DGKZ: variants seen among roughly 807,000 people sequenced by gnomAD.
DGKZ encodes the protein DAG kinase zeta.
A neutral mutation model predicts 142.5 loss-of-function variants in DGKZ; 45 were observed. The observed-to-expected ratio is 0.32, with a 90% CI of 0.25 to 0.40. The LOEUF is 0.40. Ranked by LOEUF, DGKZ falls within the 10% of genes least tolerant of loss-of-function variation. The pLI is 1.00. For missense variants in DGKZ, 755 were observed against 1,306.5 expected, an observed-to-expected ratio of 0.58 and a Z score of 6.51; for synonymous variants, 442 against 527.0, an observed-to-expected ratio of 0.84 and a Z score of 2.21.
chr11:46,378,775 G>A (rs1944859813), intron 27 of DGKZ: 2 of 907,154 alleles, frequency 2.2e-6, no homozygotes, highest in African/African-American at 1.6e-5. Context: ...CCAGGGCTTG[G>A]TCACCAGTGC....
chr11:46,372,199 G>C lies in DGKZ; in HGVS notation c.927+29G>C. 6.4e-7 allele frequency: 1 copy of C among 1,558,810 alleles called. No individual in the cohort carries two copies. Among genetic ancestry groups the C allele is most frequent in the South Asian group, 1.2e-5 (1 of 85,338 alleles). On this transcript the variant is annotated intron_variant, in intron 10 of 30. Coordinates refer to ENST00000527911, the Ensembl canonical transcript of DGKZ. The surrounding 1 kb of genome is among the most constrained non-coding windows in gnomAD (Gnocchi z 5.9). ...AACGCGGCCTTGCCTCTCAGCTAAGGGCTCGGGCGGGGGTTGGGGTCCAGC... is the reference window on the plus strand; with the variant it reads ...AACGCGGCCTTGCCTCTCAGCTAAGCGCTCGGGCGGGGGTTGGGGTCCAGC...
Position 46,371,404 on chromosome 11 carries a change from C to G in DGKZ, c.642+20C>G. 1 of 1,612,978 alleles carries G rather than the reference C, an allele frequency of 6.2e-7. No individual in the cohort carries two copies. Among genetic ancestry groups the G allele is most frequent in the South Asian group, 1.1e-5 (1 of 91,028 alleles). ...CAGGCAGTGAGTGGTGCCCCCGCCC[C>G]CAGGGCCAGGCCCTGCACTGCTGGG... On this transcript the variant is annotated intron_variant, in intron 7 of 30. Coordinates refer to ENST00000527911, the Ensembl canonical transcript of DGKZ.
chr11:46,378,224 C>G lies in DGKZ; in HGVS notation c.2369C>G (p.Pro790Arg), dbSNP rs200913050. 3.1e-6 allele frequency: 5 copies of G among 1,608,290 alleles called. No homozygotes were observed. The East Asian group carries it at 6.7e-5, about 22-fold the overall frequency. The change falls in exon 26 of 31, where the codon CCT becomes CGT. Residue 790 changes from proline (P) to arginine (R), a missense_variant. Physicochemically the swap from Pro to Arg is moderately radical, Grantham distance 103 (BLOSUM62 -2). Coordinates refer to ENST00000527911, the Ensembl canonical transcript of DGKZ. ...TCACTGCAAGGGGATGCTGCACCCC[C>G]TCAAGGTGAGGCCTCTCCCTCTGGG...
chr11:46,366,327 G>A lies in DGKZ; in HGVS notation c.162-964G>A, dbSNP rs554069208. Reference sequence around the variant, plus strand: ...CCTGGAGAGGGGCAGCAGCGGCCCAGCAGCGTGGGGCTGCCCACAGGCAAG... The same window carrying A: ...CCTGGAGAGGGGCAGCAGCGGCCCAACAGCGTGGGGCTGCCCACAGGCAAG... On this transcript the variant is annotated intron_variant, in intron 1 of 30. Transcript: ENST00000527911. 29 of 1,562,388 alleles carry A rather than the reference G, an allele frequency of 1.9e-5. No individual in the cohort carries two copies. Among genetic ancestry groups the A allele is most frequent in the Admixed American group, 9.2e-5 (5 of 54,066 alleles).
intron 1 of DGKZ, among the ~76,000 whole-genome samples, chr11:46,349,861 T>C (rs1193970075): frequency 6.6e-6 from 1 of 152,168 alleles, no homozygotes; most frequent in Non-Finnish European, 1.5e-5. Context: ...AACATCACAA[T>C]GGCCAAGGGA....
At chr11:46,375,294 C>A in intron 19 of DGKZ, 138 bp from the exon 20 acceptor site, 1 of 1,031,492 alleles carries the variant, frequency 9.7e-7, no homozygotes, top group South Asian at 1.6e-5. Context: ...GGGGTCTCAG[C>A]CTCCCCTCTG....
At chr11:46,351,812 G>T (rs927833865) in intron 1 of DGKZ, among the ~76,000 whole-genome samples, 2 of 152,332 alleles carry the variant, frequency 1.3e-5, no homozygotes, top group East Asian at 1.9e-4. Flanking sequence ...GCTGGCCCCT[G>T]CTGGGAACCC....
chr11:46,347,075 T>G (rs889058356), upstream of DGKZ, among the ~76,000 whole-genome samples: 1 of 152,068 alleles, frequency 6.6e-6, no homozygotes. The surrounding 1 kb of genome is among the most constrained non-coding windows in gnomAD (Gnocchi z 6.4). Context: ...TGGGTGGAGA[T>G]TGTGAGTGGC....
At chr11:46,368,203 G>A in intron 4 of DGKZ, 124 bp downstream of exon 4, 2 of 1,011,536 alleles carry the variant, frequency 2.0e-6, no homozygotes, top group Non-Finnish European at 3.0e-6. Flanking sequence ...CGGGGGTGAA[G>A]AGTCAAGGAC....
At position 46,372,644 on chromosome 11, in the gene DGKZ, C is replaced by T. The variant is rs755656048; in HGVS notation, c.1038C>T (p.Asn346=). Reference sequence around the variant, plus strand: ...TGGAGATGTACCGCAAAGTGCACAACCTGCGGATCCTGGCGTGCGGGGGCG... The same window carrying T: ...TGGAGATGTACCGCAAAGTGCACAATCTGCGGATCCTGGCGTGCGGGGGCG... The change falls in exon 12 of 31, where the codon AAC becomes AAT. Residue 346 remains asparagine (N), a synonymous_variant. Coordinates refer to ENST00000527911, the Ensembl canonical transcript of DGKZ. This position sits in a 1 kb window ranked among gnomAD's most constrained non-coding sequence, Gnocchi z 5.9. 6.2e-7 allele frequency: 1 copy of T among 1,613,532 alleles called. No individual in the cohort carries two copies. The highest frequency in any genetic ancestry group is 1.3e-5 in the African/African-American group (1 of 74,906).
At position 46,379,586 on chromosome 11, in the gene DGKZ, A is replaced by T; in HGVS notation, c.2688+18A>T. On this transcript the variant is annotated intron_variant, in intron 30 of 30. Transcript: ENST00000527911. Reference sequence around the variant, plus strand: ...ACCAGCAGGTGAGCAGACGGCAGGCAGGGAGCCCACGAGGGCACCAACCAA... The same window carrying T: ...ACCAGCAGGTGAGCAGACGGCAGGCTGGGAGCCCACGAGGGCACCAACCAA... The T allele has an allele frequency of 6.3e-7, 1 of 1,594,304 alleles. No homozygotes were observed. Among genetic ancestry groups the T allele is most frequent in the Non-Finnish European group, 8.5e-7 (1 of 1,170,248 alleles).
Position 46,366,725 on chromosome 11 carries a change from C to T in DGKZ, c.162-566C>T, listed in dbSNP as rs903318860. 5.1e-6 allele frequency: 8 copies of T among 1,553,886 alleles called. No individual in the cohort carries two copies. Among genetic ancestry groups the T allele is most frequent in the Admixed American group, 3.9e-5 (2 of 51,474 alleles). On this transcript the variant is annotated intron_variant, in intron 1 of 30. Transcript: ENST00000527911. ...CGCCCAGCCGCTGTTGCCCCTACCCCGCTACCTGCGCCGAGCCTCCTCCCA... is the reference window on the plus strand; with the variant it reads ...CGCCCAGCCGCTGTTGCCCCTACCCTGCTACCTGCGCCGAGCCTCCTCCCA...
chr11:46,379,697 C>T, intron 30 of DGKZ, 129 bp downstream of exon 30: 2 of 1,269,330 alleles, frequency 1.6e-6, no homozygotes, highest in Middle Eastern at 2.0e-4. Context: ...CCTGAGCCAG[C>T]AGGGGAGGAG....
chr11:46,345,326 G>A (rs1316180764), upstream of DGKZ: 9 of 1,383,932 alleles, frequency 6.5e-6, no homozygotes, highest in Non-Finnish European at 8.3e-6. This position sits in a 1 kb window ranked among gnomAD's most constrained non-coding sequence, Gnocchi z 4.1. Flanking sequence ...CTCAGCTTGG[G>A]CGGCCAGCGG....
In DGKZ at chr11:46,372,117, C is replaced by T. The variant is rs775000943; in HGVS notation, c.874C>T (p.Pro292Ser). 2 of 1,612,032 alleles carry T rather than the reference C, an allele frequency of 1.2e-6. No individual in the cohort carries two copies. Among genetic ancestry groups the T allele is most frequent in the African/African-American group, 2.7e-5 (2 of 74,868 alleles). ...CTTCATCATCAGGCCCACCCCCTCCCCGCTCATGAAGCCCCTGCTGGTGTT... is the reference window on the plus strand; with the variant it reads ...CTTCATCATCAGGCCCACCCCCTCCTCGCTCATGAAGCCCCTGCTGGTGTT... The change falls in exon 10 of 31, where the codon CCG (proline) becomes TCG (serine). Residue 292 changes from proline (P) to serine (S), a missense_variant. Transcript: ENST00000527911. This position sits in a 1 kb window ranked among gnomAD's most constrained non-coding sequence, Gnocchi z 5.9.
At chr11:46,374,058 GT>G (rs1018400335) in intron 14 of DGKZ, 98 bp from the exon 15 acceptor site, 8 of 1,343,612 alleles carry the variant, frequency 6.0e-6, no homozygotes, top group Non-Finnish European at 7.4e-6. Flanking sequence ...GGAAAAGCCT[GT>G]GAACAGATGG....
chr11:46,378,621 C>T (rs753246803), intron 27 of DGKZ, 121 bp downstream of exon 27: 16 of 1,332,520 alleles, frequency 1.2e-5, no homozygotes, highest in Admixed American at 1.9e-5. Flanking sequence ...TCGTCTGGCC[C>T]TCTGTGGGAT....
intron 1 of DGKZ, among the ~76,000 whole-genome samples, chr11:46,351,442 C>A (rs149062138): frequency 7.9e-5 from 12 of 152,344 alleles, no homozygotes; most frequent in African/African-American, 2.9e-4. Context: ...ACGGCCCCAG[C>A]GAGCATGGCC....
chr11:46,345,699 G>T (rs536632493), upstream of DGKZ: 2 of 1,088,482 alleles, frequency 1.8e-6, no homozygotes, highest in Admixed American at 7.4e-5. This position sits in a 1 kb window ranked among gnomAD's most constrained non-coding sequence, Gnocchi z 4.1. Context: ...CCAGCACTCT[G>T]CAGAGGCACA....
Sources: gnomAD v4.1 joint callset for allele counts (sites outside exome capture counted in the v4.1 genomes callset) on GRCh38, gnomAD v4.1.1 for gene constraint, Gnocchi (gnomAD v3.1) non-coding constraint, MANE v1.5 for transcripts, NCBI Gene and HGNC (gene_info 2026-07-23, HGNC 2026-07-21) for gene names.